Variants in SMYD3 observed in about 807,000 individuals in gnomAD.
SMYD3 encodes the protein SET and MYND domain containing 3, also known as histone-lysine N-methyltransferase SMYD3.
SMYD3 carries 36 observed loss-of-function variants against 57.7 expected under a neutral mutation model. The ratio of observed to expected loss-of-function variants is 0.62; its 90% CI spans 0.48 to 0.82. The LOEUF (loss-of-function observed/expected upper bound fraction) is 0.82. Ranked by LOEUF, SMYD3 falls within the 40% of genes least tolerant of loss-of-function variation. The pLI is 0.00. For missense variants in SMYD3, 515 were observed against 538.8 expected (o/e 0.96, Z 0.44); for synonymous variants, 211 against 195.0 (o/e 1.08, Z -0.68).
intron 1 of SMYD3, among the ~76,000 whole-genome samples, chr1:246,450,490 G>A (rs2067616874): frequency 6.6e-6 from 1 of 152,140 alleles, no homozygotes. Flanking sequence ...ACCCCAAGAT[G>A]GCAGTGATCT....
intron 10 of SMYD3, among the ~76,000 whole-genome samples, chr1:245,798,381 C>T (rs2047648310): frequency 7.4e-6 from 1 of 134,810 alleles, no homozygotes; most frequent in Admixed American, 7.7e-5. Context: ...CCTGTCAACA[C>T]ACACACGCGC....
intron 5 of SMYD3, among the ~76,000 whole-genome samples, chr1:246,102,743 C>CAAAAAA (rs746820906): frequency 4.8e-5 from 7 of 145,816 alleles, no homozygotes; most frequent in African/African-American, 1.8e-4. Flanking sequence ...CCTTGGCTCT[C>CAAAAAA]AAAAAAAAAA....
At chr1:245,844,051 G>A (rs1029125345) in intron 10 of SMYD3, among the ~76,000 whole-genome samples, 2 of 152,152 alleles carry the variant, frequency 1.3e-5, no homozygotes, top group Non-Finnish European at 2.9e-5. Context: ...GGCATGAAAT[G>A]TGTCTTTCCT....
At chr1:245,817,168 C>T (rs1298300300) in intron 10 of SMYD3, among the ~76,000 whole-genome samples, 2 of 148,846 alleles carry the variant, frequency 1.3e-5, no homozygotes, top group East Asian at 2.0e-4. Flanking sequence ...TTGAAGAGAG[C>T]AGTGGTTCTC....
chr1:246,200,422 C>A (rs904211625), intron 5 of SMYD3, among the ~76,000 whole-genome samples: 1 of 151,310 alleles, frequency 6.6e-6, no homozygotes, highest in Non-Finnish European at 1.5e-5. Context: ...AACAGACGCC[C>A]ACTGTGATAG....
In SMYD3 at chr1:246,374,548, G is replaced by A. The variant is rs528222292; in HGVS notation, c.165-19454C>T. Among the ~76,000 whole-genome samples the A allele has an allele frequency of 8.9e-5, 12 of 134,444 alleles. No homozygotes were observed. The East Asian group carries it at 1.1e-3, about 12-fold the overall frequency. The allele number at this position is 134,444 out of a possible 152,430, so 88.2% of individuals were successfully genotyped here. On this transcript the variant is annotated intron_variant, in intron 1 of 11. Transcript: ENST00000490107. ...AAGCACAGTACCACAGTGCTGTCTC[G>A]TGTCCCTAAGCACAAGAAAGTTGTA...
At chr1:246,058,253 C>A (rs368642044) in intron 5 of SMYD3, among the ~76,000 whole-genome samples, 1 of 152,112 alleles carries the variant, frequency 6.6e-6, no homozygotes, top group Non-Finnish European at 1.5e-5. Flanking sequence ...CATGGAGGTT[C>A]ATCAGCTGTC....
chr1:245,850,801 G>A (rs1012077644), intron 10 of SMYD3, among the ~76,000 whole-genome samples: 1 of 152,202 alleles, frequency 6.6e-6, no homozygotes, highest in Non-Finnish European at 1.5e-5. Flanking sequence ...CCCCTGGACT[G>A]CTGGCTTCTG....
chr1:246,428,021 C>G (rs1337134493), intron 1 of SMYD3, among the ~76,000 whole-genome samples: 2 of 152,154 alleles, frequency 1.3e-5, no homozygotes, highest in East Asian at 3.8e-4. Context: ...TGCTTATCTA[C>G]TCAATGAAAT....
At chr1:246,379,378 G>C (rs2066351184) in intron 1 of SMYD3, among the ~76,000 whole-genome samples, 1 of 151,984 alleles carries the variant, frequency 6.6e-6, no homozygotes, top group African/African-American at 2.4e-5. Flanking sequence ...TTCAAAAGCT[G>C]TTTCTAGATA....
chr1:246,339,220 C>T lies in SMYD3; in HGVS notation c.229-3746G>A, dbSNP rs113462647. Among the ~76,000 whole-genome samples, 25 of 152,258 alleles carry T rather than the reference C, an allele frequency of 1.6e-4. No homozygotes were observed. In the East Asian group the frequency reaches 1.9e-3, roughly 12 times the overall value. On this transcript the variant is annotated intron_variant, in intron 2 of 11. Coordinates refer to ENST00000490107, the MANE Select transcript of SMYD3 (RefSeq NM_001167740.2). ...GAGTACTTGAGTTACCAATACAACA[C>T]GGCTTCTGACCCGCATCTCTACTTC...
chr1:246,186,013 G>A (rs182469931), intron 5 of SMYD3, among the ~76,000 whole-genome samples: 108 of 151,966 alleles, frequency 7.1e-4, no homozygotes, highest in Admixed American at 1.4e-3. Flanking sequence ...GGTTTGTCTC[G>A]GTCAAATCTC....
At chr1:245,816,460 G>C (rs987802920) in intron 10 of SMYD3, among the ~76,000 whole-genome samples, 1 of 135,956 alleles carries the variant, frequency 7.4e-6, no homozygotes, top group South Asian at 2.5e-4. Flanking sequence ...AACTGCAAAA[G>C]CCAGCTACAA....
intron 10 of SMYD3, among the ~76,000 whole-genome samples, chr1:245,842,631 T>C (rs1316897): frequency 0.087 from 13,315 of 152,300 alleles, 1,006 homozygotes; most frequent in East Asian, 0.28. Flanking sequence ...CCAGATGCCA[T>C]ACTTCTATAA....
intron 5 of SMYD3, among the ~76,000 whole-genome samples, chr1:246,133,243 C>T (rs919699744): frequency 6.6e-6 from 1 of 151,674 alleles, no homozygotes; most frequent in Non-Finnish European, 1.5e-5. Flanking sequence ...AATAACTTTC[C>T]CAAAGCTTGT....
At chr1:246,111,066 G>C (rs4654088) in intron 5 of SMYD3, among the ~76,000 whole-genome samples, 60,508 of 151,972 alleles carry the variant, frequency 0.4, 14,701 homozygotes, top group Non-Finnish European at 0.55. Flanking sequence ...GCCTTACCAA[G>C]GACCCTGACC....
intron 11 of SMYD3, among the ~76,000 whole-genome samples, chr1:245,754,041 C>T (rs938907042): frequency 5.9e-5 from 9 of 152,150 alleles, no homozygotes; most frequent in Non-Finnish European, 1.2e-4. Flanking sequence ...GTGCCTGCTA[C>T]ACCCACATCC....
intron 5 of SMYD3, among the ~76,000 whole-genome samples, chr1:246,189,463 G>T (rs2062698557): frequency 6.6e-6 from 1 of 152,164 alleles, no homozygotes; most frequent in Non-Finnish European, 1.5e-5. Flanking sequence ...AACATTAACT[G>T]GTTCTAAGAC....
chr1:246,323,233 ACAAT>A (rs759276623), intron 5 of SMYD3, among the ~76,000 whole-genome samples: 20 of 152,232 alleles, frequency 1.3e-4, no homozygotes, highest in Non-Finnish European at 2.1e-4. Context: ...AGAAAACTCC[ACAAT>A]CAAACTCCAA....
Sources: gnomAD v4.1 joint callset for allele counts (sites outside exome capture counted in the v4.1 genomes callset) on GRCh38, gnomAD v4.1.1 for gene constraint, MANE v1.5 for transcripts, NCBI Gene and HGNC (gene_info 2026-07-23, HGNC 2026-07-21) for gene names.